The following ST7L variants were observed in gnomAD, a reference collection of about 807,000 sequenced individuals.
The protein encoded by ST7L is suppression of tumorigenicity 7 like, also known as suppressor of tumorigenicity 7 protein-like.
A neutral mutation model predicts 72.5 loss-of-function variants in ST7L; 57 were observed. The observed-to-expected ratio is 0.79, with a 90% CI of 0.64 to 0.98. ST7L has a LOEUF of 0.98. Ranked by LOEUF, ST7L falls within the 50% of genes least tolerant of loss-of-function variation. ST7L has a pLI of 0.00. For missense variants in ST7L, 576 were observed against 672.2 expected, an observed-to-expected ratio of 0.86 and a Z score of 1.58; for synonymous variants, 221 against 240.9, an observed-to-expected ratio of 0.92 and a Z score of 0.77.
At chr1:112,553,416 G>A (rs1318059978) in intron 12 of ST7L, among the ~76,000 whole-genome samples, 1 of 152,162 alleles carries the variant, frequency 6.6e-6, no homozygotes, top group Non-Finnish European at 1.5e-5. Flanking sequence ...TCAAGCCACA[G>A]TGTCTGGCTT....
chr1:112,583,935 G>A (rs951997570), intron 7 of ST7L, 37 bp downstream of exon 7: 1 of 1,587,898 alleles, frequency 6.3e-7, no homozygotes, highest in Non-Finnish European at 8.5e-7. Context: ...AATTACAGAT[G>A]CTAAAAGACA....
chr1:112,553,654 A>G (rs142226888), intron 12 of ST7L, among the ~76,000 whole-genome samples: 365 of 152,296 alleles, frequency 2.4e-3, no homozygotes, highest in African/African-American at 8.1e-3. Context: ...GACACTGTAC[A>G]ACTTCTCAAA....
intron 13 of ST7L, 69 bp downstream of exon 13, chr1:112,550,532 G>T: frequency 8.2e-7 from 1 of 1,217,772 alleles, no homozygotes; most frequent in East Asian, 2.5e-5. Context: ...TTTTTAAAAT[G>T]GAGAATACTA....
At chr1:112,520,728 T>C, downstream of ST7L, 1 of 590,556 alleles carries the variant, frequency 1.7e-6, no homozygotes, top group Non-Finnish European at 3.0e-6. Flanking sequence ...GCTCCCTGAT[T>C]TCCCGCTCTG....
At chr1:112,548,566 T>C (rs527866277) in intron 13 of ST7L, among the ~76,000 whole-genome samples, 19 of 152,224 alleles carry the variant, frequency 1.2e-4, no homozygotes, top group Non-Finnish European at 1.8e-4. Flanking sequence ...AGTTTAAACT[T>C]ATCAACTAGT....
At chr1:112,609,298 G>A (rs1406265248) in intron 3 of ST7L, among the ~76,000 whole-genome samples, 4 of 151,624 alleles carry the variant, frequency 2.6e-5, no homozygotes, top group East Asian at 3.9e-4. Context: ...TTGGGAAGCC[G>A]AGGCAGACAG....
chr1:112,568,855 AATATAAAT>A lies in ST7L; in HGVS notation c.1245+8123_1245+8130del, dbSNP rs1227712408. On this transcript the variant is annotated intron_variant, in intron 11 of 14. Transcript: ENST00000358039. Reference sequence around the variant, plus strand: ...GGAGACCCTGTTTTTTATAAATATAAATATAAATATATATATATATATATATATATATA... The same window carrying A: ...GGAGACCCTGTTTTTTATAAATATAAATATATATATATATATATATATATA... Among the ~76,000 whole-genome samples the A allele has an allele frequency of 2.0e-3, 158 of 80,868 alleles. 2 individuals are homozygous for A. Among genetic ancestry groups the A allele is most frequent in the African/African-American group, 7.7e-3 (150 of 19,584 alleles). The allele number at this position is 80,868 out of a possible 152,430, so 53.1% of individuals were successfully genotyped here. A position where few individuals can be genotyped will look rare whatever the true frequency, so the allele number is the denominator to read the frequency against.
upstream of ST7L, chr1:112,619,153 A>G (rs1012422605): frequency 6.3e-7 from 1 of 1,594,352 alleles, no homozygotes. Context: ...GGAGGGGAGA[A>G]GGACAGGAAA....
intron 12 of ST7L, among the ~76,000 whole-genome samples, chr1:112,551,685 G>A (rs531353566): frequency 4.6e-5 from 7 of 152,260 alleles, no homozygotes; most frequent in South Asian, 2.1e-4. Flanking sequence ...TGTCCACCCC[G>A]ATCTAGATTG....
At position 112,524,489 on chromosome 1, in the gene ST7L, A is replaced by T. The variant is rs1653114034; in HGVS notation, c.*1524T>A. On this transcript the variant is annotated 3_prime_UTR_variant, in exon 15 of 15. Coordinates refer to ENST00000358039, the MANE Select transcript of ST7L (RefSeq NM_017744.5). ...TGGGCCTTGTGGAGAGAGGTGCCAG[A>T]CACAGAGTTCTCCGTAAGCAATCCT... The T allele has an allele frequency of 6.5e-6, 1 of 152,766 alleles. No homozygotes were observed. Among genetic ancestry groups the T allele is most frequent in the Admixed American group, 6.5e-5 (1 of 15,276 alleles). The allele number at this position is 152,766 out of a possible 1,614,324, so 9.5% of individuals were successfully genotyped here.
At chr1:112,547,878 T>C (rs1657428474) in intron 13 of ST7L, among the ~76,000 whole-genome samples, 1 of 152,030 alleles carries the variant, frequency 6.6e-6, no homozygotes, top group African/African-American at 2.4e-5. Context: ...CATCATCTTT[T>C]TATCAACCTT....
intron 2 of ST7L, among the ~76,000 whole-genome samples, chr1:112,611,431 C>G (rs1159074440): frequency 6.6e-6 from 1 of 152,188 alleles, no homozygotes; most frequent in African/African-American, 2.4e-5. Flanking sequence ...TAGCTGTGTG[C>G]TGTGGGCAAG....
chr1:112,613,145 C>A (rs964405756), intron 2 of ST7L, among the ~76,000 whole-genome samples: 1 of 151,936 alleles, frequency 6.6e-6, no homozygotes, highest in African/African-American at 2.4e-5. Flanking sequence ...AGATAAGTAC[C>A]ATCAAGGGCA....
In ST7L at chr1:112,556,023, A is replaced by G; in HGVS notation, c.1246-5T>C. ...ACTTTTCATCTCTAATAAATACTGA[A>G]AGAGTAACACACAGACACATATACA... On this transcript the variant is annotated splice_polypyrimidine_tract_variant and splice_region_variant and intron_variant, in intron 11 of 14. Transcript: ENST00000358039. 1 of 1,591,136 alleles carries G rather than the reference A, an allele frequency of 6.3e-7. No homozygotes were observed. Among genetic ancestry groups the G allele is most frequent in the Non-Finnish European group, 8.6e-7 (1 of 1,168,404 alleles).
intron 14 of ST7L, among the ~76,000 whole-genome samples, chr1:112,534,969 T>C (rs1330419304): frequency 6.6e-6 from 1 of 152,160 alleles, no homozygotes; most frequent in Non-Finnish European, 1.5e-5. Flanking sequence ...CTGGGAGAGC[T>C]TCTGTGAACC....
At chr1:112,593,858 A>G (rs1330795276) in intron 5 of ST7L, among the ~76,000 whole-genome samples, 5 of 152,158 alleles carry the variant, frequency 3.3e-5, no homozygotes, top group Non-Finnish European at 7.4e-5. Context: ...ACACATTTGT[A>G]TTTCTGAAAA....
intron 9 of ST7L, among the ~76,000 whole-genome samples, chr1:112,580,697 G>C (rs12092350): frequency 0.064 from 9,703 of 152,242 alleles, 766 homozygotes; most frequent in African/African-American, 0.18. Context: ...GGCCGAGCCA[G>C]GCAGATCATG....
At chr1:112,581,901 AG>A in intron 9 of ST7L, 90 bp downstream of exon 9, 2 of 929,868 alleles carry the variant, frequency 2.2e-6, no homozygotes, top group Non-Finnish European at 3.4e-6. Context: ...AAGAACAGAA[AG>A]AGAAAATTAA....
At chr1:112,526,193 T>G (rs546449390) in intron 14 of ST7L, 82 bp from the exon 15 acceptor site, 1 of 1,589,518 alleles carries the variant, frequency 6.3e-7, no homozygotes, top group Non-Finnish European at 8.6e-7. Flanking sequence ...GAGCACAGTT[T>G]ACAAAGGAAC....
Sources: allele counts gnomAD v4.1 joint callset (sites outside exome capture counted in the v4.1 genomes callset), GRCh38; gene constraint gnomAD v4.1.1; transcripts MANE v1.5; gene names NCBI Gene and HGNC (gene_info 2026-07-23, HGNC 2026-07-21).